Variants in LRRCC1 observed in about 807,000 individuals in gnomAD.
LRRCC1 encodes the protein leucine rich repeat and coiled-coil centrosomal protein 1.
LRRCC1 carries 115 observed loss-of-function variants against 126.0 expected under a neutral mutation model. The observed-to-expected ratio is 0.91, with a 90% CI of 0.78 to 1.07. The LOEUF is 1.07. Ranked by LOEUF, LRRCC1 falls within the 50% of genes least tolerant of loss-of-function variation. LRRCC1 has a pLI of 0.00. For missense variants in LRRCC1, 1,172 were observed against 1,175.7 expected, an observed-to-expected ratio of 1.00 and a Z score of 0.05; for synonymous variants, 400 against 393.4, an observed-to-expected ratio of 1.02 and a Z score of -0.20.
chr8:85,125,961 C>T (rs1047040447), intron 8 of LRRCC1, among the ~76,000 whole-genome samples: 1 of 152,046 alleles, frequency 6.6e-6, no homozygotes, highest in Non-Finnish European at 1.5e-5. Context: ...ACCTATTGTG[C>T]CTGTGTTTCC....
chr8:85,127,947 T>C (rs1810139602), intron 9 of LRRCC1, among the ~76,000 whole-genome samples: 1 of 152,218 alleles, frequency 6.6e-6, no homozygotes, highest in Non-Finnish European at 1.5e-5. Context: ...AAAACAGCAC[T>C]CCTGCTTTCA....
intron 7 of LRRCC1, 149 bp downstream of exon 7, chr8:85,123,755 T>C: frequency 1.7e-6 from 1 of 574,150 alleles, no homozygotes; most frequent in Non-Finnish European, 2.9e-6. Flanking sequence ...GGTCAGTACA[T>C]TCATGTAAAT....
intron 15 of LRRCC1, 67 bp downstream of exon 15, chr8:85,137,694 T>C (rs1810970561): frequency 8.6e-7 from 1 of 1,168,602 alleles, no homozygotes; most frequent in South Asian, 2.5e-5. Context: ...GATCAAAGTA[T>C]CCAAAAGCTG....
intron 17 of LRRCC1, among the ~76,000 whole-genome samples, chr8:85,140,155 CG>C (rs1811164307): frequency 6.6e-6 from 1 of 151,952 alleles, no homozygotes; most frequent in Non-Finnish European, 1.5e-5. Flanking sequence ...TTCATTATAC[CG>C]TTAATATAAA....
At position 85,134,929 on chromosome 8, in the gene LRRCC1, A is replaced by G; in HGVS notation, c.2051A>G (p.Glu684Gly). 6.3e-7 allele frequency: 1 copy of G among 1,596,740 alleles called. No homozygotes were observed. The highest frequency in any genetic ancestry group is 8.5e-7 in the Non-Finnish European group (1 of 1,176,438). The change falls in exon 13 of 19, where the codon GAG (glutamate) becomes GGG (glycine). Residue 684 changes from glutamate to glycine, a missense_variant. By Grantham distance (98) the Glu-to-Gly change is moderately conservative. Coordinates refer to ENST00000360375, the MANE Select transcript of LRRCC1 (RefSeq NM_033402.5). ...ATTTGGGCTCAACGAAAAGAAAATG[A>G]GTCTTCCTCTTTAATTAAAGATCTG... is the stretch of plus-strand genomic sequence containing the variant. ...ALIWAQRKEN[E>G]SSSLIKDLTC...
rs762657518 is a variant in LRRCC1 at position 85,123,569 on chromosome 8, A to G, written c.1087A>G (p.Ile363Val). ...TTATGATGCCAAAACCATTCAAACT[A>G]TTAAGCACCACAATAAAAACTACAA... The part of the protein sequence containing the change: ...IPYDAKTIQT[I>V]KHHNKNYNSF... The change falls in exon 7 of 19, where the codon ATT becomes GTT. Residue 363 changes from isoleucine (I) to valine (V), a missense_variant. Ile to Val is a conservative substitution (Grantham distance 29). Transcript: ENST00000360375. 10 of 1,590,592 alleles carry G rather than the reference A, an allele frequency of 6.3e-6. No individual in the cohort carries two copies. The highest frequency in any genetic ancestry group is 1.2e-5 in the South Asian group (1 of 86,334).
rs2135960075 is a variant in LRRCC1, at chr8:85,126,607, C to G, written c.1273-82C>G. 6.8e-6 allele frequency: 8 copies of G among 1,176,958 alleles called. No homozygotes were observed. The South Asian group carries it at 8.9e-5, about 13-fold the overall frequency. The allele number at this position is 1,176,958 out of a possible 1,614,324, so 72.9% of individuals were successfully genotyped here. On this transcript the variant is annotated intron_variant, in intron 8 of 18. Transcript: ENST00000360375. ...CTCTTTGAAGTAGGTACTATTATTC[C>G]CCTGTTATAAATGGGAAAATTGAGG...
At chr8:85,131,549 C>T (rs377767147) in intron 11 of LRRCC1, among the ~76,000 whole-genome samples, 9 of 152,318 alleles carry the variant, frequency 5.9e-5, no homozygotes, top group East Asian at 1.9e-4. Flanking sequence ...ATTTGACATA[C>T]TTCCCTTATC....
chr8:85,129,829 C>G, intron 10 of LRRCC1, 90 bp from the exon 11 acceptor site: 1 of 983,774 alleles, frequency 1.0e-6, no homozygotes, highest in East Asian at 2.8e-5. Context: ...TCACCGGACA[C>G]TGTCATTTAA....
chr8:85,122,032 A>G (rs1809601743), intron 6 of LRRCC1, among the ~76,000 whole-genome samples: 1 of 152,090 alleles, frequency 6.6e-6, no homozygotes, highest in Non-Finnish European at 1.5e-5. Context: ...TTCTTAATGG[A>G]CTTTTTCACT....
At position 85,137,725 on chromosome 8, in the gene LRRCC1, G is replaced by C. The variant is rs7831913; in HGVS notation, c.2493+98G>C. The C allele has an allele frequency of 3.7e-3, 3,461 of 938,630 alleles. 98 individuals carry two copies. In the African/African-American group the frequency reaches 0.053, roughly 14 times the overall value. 58.1% of individuals were successfully genotyped at this position (938,630 alleles called of 1,614,324 possible). A position where few individuals can be genotyped will look rare whatever the true frequency, so the allele number is the denominator to read the frequency against. On this transcript the variant is annotated intron_variant, in intron 15 of 18. Transcript: ENST00000360375. ...AGCTGTTTTTCAGTGTTTTCCAACTGTTGTAAAATTTGGGGTAGATATCAT... is the reference window on the plus strand; with the variant it reads ...AGCTGTTTTTCAGTGTTTTCCAACTCTTGTAAAATTTGGGGTAGATATCAT...
rs771691536 is a variant in LRRCC1, at chr8:85,107,259, G to C, written c.-37G>C. On this transcript the variant is annotated 5_prime_UTR_variant, in exon 1 of 19. Coordinates refer to ENST00000360375, the MANE Select transcript of LRRCC1 (RefSeq NM_033402.5). ...TCCCAAGCTCACGGACCCCTCGCTG[G>C]GTGCCGGTTAAGACCCCGCTCCCCG... The C allele has an allele frequency of 3.8e-6, 6 of 1,578,198 alleles. No homozygotes were observed. Among genetic ancestry groups the C allele is most frequent in the South Asian group, 3.4e-5 (3 of 86,994 alleles).
intron 3 of LRRCC1, among the ~76,000 whole-genome samples, chr8:85,112,238 T>C (rs991480158): frequency 1.3e-5 from 2 of 152,210 alleles, no homozygotes; most frequent in Non-Finnish European, 2.9e-5. Flanking sequence ...GTCTGACTCT[T>C]AGGTATTTAC....
intron 1 of LRRCC1, chr8:85,109,027 A>G (rs533814530): frequency 1.3e-5 from 2 of 152,562 alleles, no homozygotes; most frequent in South Asian, 2.1e-4. Context: ...TTAAATAGCT[A>G]TTGCACACAA....
chr8:85,129,833 C>A, intron 10 of LRRCC1, 86 bp from the exon 11 acceptor site: 1 of 1,027,900 alleles, frequency 9.7e-7, no homozygotes, highest in Non-Finnish European at 1.4e-6. Flanking sequence ...CGGACACTGT[C>A]ATTTAAAAGG....
chr8:85,109,951 T>G lies in LRRCC1; in HGVS notation c.310+151T>G, dbSNP rs1467939279. ...ATATTTTCTCCAAAAAAGTGTCAAT[T>G]TTTTAAAAATTCTGTTTTTTCTAAA... On this transcript the variant is annotated intron_variant, in intron 2 of 18. Transcript: ENST00000360375. 1.4e-5 allele frequency: 9 copies of G among 628,828 alleles called. No homozygotes were observed. The Admixed American group carries it at 1.4e-4, about 10-fold the overall frequency. The allele number at this position is 628,828 out of a possible 1,614,324, so 39.0% of individuals were successfully genotyped here.
At chr8:85,112,794 C>G in intron 3 of LRRCC1, 138 bp from the exon 4 acceptor site, 1 of 457,334 alleles carries the variant, frequency 2.2e-6, no homozygotes, top group Non-Finnish European at 3.8e-6. Flanking sequence ...ATAGCCTATT[C>G]ATTAGATATA....
chr8:85,142,171 G>A (rs763258106), intron 18 of LRRCC1, among the ~76,000 whole-genome samples: 10 of 152,048 alleles, frequency 6.6e-5, no homozygotes, highest in Non-Finnish European at 1.3e-4. Context: ...GTGAGCACCT[G>A]TAATTCCAGC....
At chr8:85,123,330 GAT>G in intron 6 of LRRCC1, 81 bp from the exon 7 acceptor site, 1 of 921,044 alleles carries the variant, frequency 1.1e-6, no homozygotes, top group Non-Finnish European at 1.7e-6. Context: ...CATATAAAAA[GAT>G]ATAATATTTC....
Sources: gnomAD v4.1 joint callset for allele counts (sites outside exome capture counted in the v4.1 genomes callset) on GRCh38, gnomAD v4.1.1 for gene constraint, MANE v1.5 for transcripts, NCBI Gene and HGNC (gene_info 2026-07-23, HGNC 2026-07-21) for gene names.